GRM7: variants seen among roughly 807,000 people sequenced by gnomAD.
The protein encoded by GRM7 is glutamate metabotropic receptor 7, also known as metabotropic glutamate receptor 7.
In GRM7, 35 loss-of-function variants were observed where a neutral mutation model predicts 84.5. The observed-to-expected ratio is 0.41, with a 90% CI of 0.32 to 0.55. GRM7 has a LOEUF of 0.55. GRM7 is among the 20% of genes least tolerant of loss of function. GRM7 has a pLI of 0.19. For synonymous variants in GRM7, 487 were observed against 455.1 expected (o/e 1.07, Z -0.89); for missense variants, 1,003 against 1,194.6 (o/e 0.84, Z 2.36).
intron 5 of GRM7, among the ~76,000 whole-genome samples, chr3:7,442,148 CTT>C (rs1697314792): frequency 6.6e-6 from 1 of 152,014 alleles, no homozygotes; most frequent in African/African-American, 2.4e-5. Context: ...TGTGTCATCT[CTT>C]ATTTCTTTCA....
intron 1 of GRM7, among the ~76,000 whole-genome samples, chr3:7,109,604 G>A (rs1692774368): frequency 6.6e-6 from 1 of 152,080 alleles, no homozygotes; most frequent in African/African-American, 2.4e-5. Context: ...AGATTCTCTA[G>A]CATTTTCCTC....
intron 8 of GRM7, among the ~76,000 whole-genome samples, chr3:7,658,199 G>T (rs566182413): frequency 6.6e-6 from 1 of 152,282 alleles, no homozygotes; most frequent in Non-Finnish European, 1.5e-5. Context: ...ATCAAGTCTT[G>T]ATGGATATCA....
chr3:7,204,585 T>C (rs544597194), intron 2 of GRM7, among the ~76,000 whole-genome samples: 1 of 152,310 alleles, frequency 6.6e-6, no homozygotes, highest in East Asian at 1.9e-4. Context: ...TGGGGAAGGA[T>C]GCATACATAC....
intron 7 of GRM7, among the ~76,000 whole-genome samples, chr3:7,487,398 G>A (rs542945518): frequency 2.0e-5 from 3 of 152,250 alleles, no homozygotes; most frequent in African/African-American, 4.8e-5. Flanking sequence ...TGGATAAAAG[G>A]GATTCAGTTG....
intron 1 of GRM7, among the ~76,000 whole-genome samples, chr3:6,878,803 T>C (rs970889042): frequency 1.3e-5 from 2 of 152,162 alleles, no homozygotes; most frequent in African/African-American, 4.8e-5. Context: ...GCCCTCAAAC[T>C]TAAGTCTGCA....
intron 7 of GRM7, among the ~76,000 whole-genome samples, chr3:7,467,728 G>T (rs114803454): frequency 0.014 from 2,080 of 152,156 alleles, 25 homozygotes; most frequent in South Asian, 0.028. Flanking sequence ...TCTCTGGATT[G>T]TTTAGTTATC....
chr3:6,971,245 A>G (rs984537835), intron 1 of GRM7, among the ~76,000 whole-genome samples: 2 of 152,228 alleles, frequency 1.3e-5, no homozygotes, highest in African/African-American at 2.4e-5. Flanking sequence ...ATATTTTAAA[A>G]CCAGTAGCTT....
intron 1 of GRM7, among the ~76,000 whole-genome samples, chr3:7,057,943 A>C (rs926312368): frequency 1.3e-5 from 2 of 151,958 alleles, no homozygotes; most frequent in Non-Finnish European, 2.9e-5. Flanking sequence ...GACAGGTCAT[A>C]TTTTGTATAA....
chr3:6,965,563 G>C (rs1693482942), intron 1 of GRM7, among the ~76,000 whole-genome samples: 1 of 151,864 alleles, frequency 6.6e-6, no homozygotes, highest in African/African-American at 2.4e-5. Context: ...TTGCATTTCT[G>C]GACTCAAGAG....
intron 1 of GRM7, among the ~76,000 whole-genome samples, chr3:7,065,945 A>T (rs1697639031): frequency 6.6e-6 from 1 of 151,894 alleles, no homozygotes; most frequent in African/African-American, 2.4e-5. Context: ...CAAAAATGAA[A>T]TCAAGATGGA....
intron 7 of GRM7, among the ~76,000 whole-genome samples, chr3:7,484,457 A>G (rs759356173): frequency 3.3e-5 from 5 of 152,356 alleles, no homozygotes; most frequent in African/African-American, 7.2e-5. Flanking sequence ...ATATGTGTCA[A>G]TACCCATAAA....
rs1698854345 is a variant in GRM7 at position 7,096,216 on chromosome 3, C to T, written c.520-50236C>T. The stretch of plus-strand genomic sequence containing the variant: ...AATGTGACACCAGCTGGGTGTATGG[C>T]AGTACACCTAGTGATGCTAACCACC... On this transcript the variant is annotated intron_variant, in intron 1 of 9. Coordinates refer to ENST00000357716, the MANE Select transcript of GRM7 (RefSeq NM_000844.4). Among the ~76,000 whole-genome samples, 4 of 152,152 alleles carry T rather than the reference C, an allele frequency of 2.6e-5. No homozygotes were observed. The South Asian group carries it at 6.2e-4, about 24-fold the overall frequency.
intron 7 of GRM7, among the ~76,000 whole-genome samples, chr3:7,474,666 A>G (rs1698847204): frequency 6.6e-6 from 1 of 152,142 alleles, no homozygotes; most frequent in Non-Finnish European, 1.5e-5. Context: ...AAACTCTTGC[A>G]TTTGACTGAT....
chr3:7,250,094 T>C lies in GRM7; in HGVS notation c.737-48590T>C, dbSNP rs1697924388. On this transcript the variant is annotated intron_variant, in intron 2 of 9. Coordinates refer to ENST00000357716, the MANE Select transcript of GRM7 (RefSeq NM_000844.4). ...AGGCTTTATTATTTTGGCCAGGTGCTTATCTAAATATTCTACTGAGAAAGA... is the reference window on the plus strand; with the variant it reads ...AGGCTTTATTATTTTGGCCAGGTGCCTATCTAAATATTCTACTGAGAAAGA... Among the ~76,000 whole-genome samples, 2 of 152,342 alleles carry C rather than the reference T, an allele frequency of 1.3e-5. 1 individual carries two copies. The highest frequency in any genetic ancestry group is 6.8e-3 in the Middle Eastern group (2 of 294).
intron 9 of GRM7, among the ~76,000 whole-genome samples, chr3:7,720,991 C>T (rs1363032496): frequency 6.6e-6 from 1 of 152,176 alleles, no homozygotes; most frequent in East Asian, 1.9e-4. Flanking sequence ...CTTCATAGAG[C>T]TTGCTGGAAG....
At chr3:7,720,365 T>C (rs1265153170) in intron 9 of GRM7, among the ~76,000 whole-genome samples, 1 of 152,166 alleles carries the variant, frequency 6.6e-6, no homozygotes, top group Non-Finnish European at 1.5e-5. Flanking sequence ...AAATGTAAAA[T>C]TGGCCTGTGA....
intron 7 of GRM7, among the ~76,000 whole-genome samples, chr3:7,487,374 G>A (rs948046057): frequency 2.6e-5 from 4 of 152,202 alleles, no homozygotes; most frequent in Admixed American, 6.5e-5. Flanking sequence ...GCAACAAGTT[G>A]CTAGATATTA....
At chr3:7,473,836 G>A (rs1366217039) in intron 7 of GRM7, among the ~76,000 whole-genome samples, 2 of 152,082 alleles carry the variant, frequency 1.3e-5, no homozygotes, top group Non-Finnish European at 2.9e-5. Context: ...TCAAATAGAT[G>A]GATTTTCAGG....
rs1345416590 is a variant in GRM7, at chr3:7,579,238, C to T, written c.2332C>T (p.Arg778Trp). The change falls in exon 8 of 10, where the codon CGG becomes TGG. Residue 778 changes from arginine (R) to tryptophan (W), a missense_variant. By Grantham distance (101) the Arg-to-Trp change is moderately radical. This residue lies in a region of GRM7 where 910 missense variants were observed against 1,126.0 expected (regional missense o/e 0.81). Transcript: ENST00000357716. ...VTCTVYAIKT[R>W]GVPENFNEAK... Reference sequence around the variant, plus strand: ...ATGTACTGTGTATGCCATCAAGACTCGGGGTGTACCCGAGAATTTTAACGA... The same window carrying T: ...ATGTACTGTGTATGCCATCAAGACTTGGGGTGTACCCGAGAATTTTAACGA... The T allele has an allele frequency of 1.9e-6, 3 of 1,613,440 alleles. No individual in the cohort carries two copies. The highest frequency in any genetic ancestry group is 2.2e-5 in the East Asian group (1 of 44,874).
Sources: gnomAD v4.1 joint callset for allele counts (sites outside exome capture counted in the v4.1 genomes callset) on GRCh38, gnomAD v4.1.1 for gene constraint, gnomAD v4.1.1 regional missense constraint, MANE v1.5 for transcripts, NCBI Gene and HGNC (gene_info 2026-07-23, HGNC 2026-07-21) for gene names.